Variants in ZSWIM9 observed in about 807,000 individuals in gnomAD.
ZSWIM9 encodes the protein uncharacterized protein ZSWIM9.
ZSWIM9 carries 11 observed loss-of-function variants against 25.0 expected under a neutral mutation model. The ratio of observed to expected loss-of-function variants is 0.44; its 90% confidence interval spans 0.28 to 0.73. ZSWIM9 has a LOEUF of 0.73. Among genes scored for constraint, ZSWIM9 ranks in the 30% least tolerant of loss-of-function variants. ZSWIM9 has a pLI of 0.16. For synonymous variants in ZSWIM9, 562 were observed against 582.1 expected, an observed-to-expected ratio of 0.97 and a Z score of 0.50; for missense variants, 1,070 against 1,296.5, an observed-to-expected ratio of 0.83 and a Z score of 2.68.
intron 1 of ZSWIM9, among the ~76,000 whole-genome samples, chr19:48,170,924 C>T (rs936863593): frequency 1.3e-5 from 2 of 151,634 alleles, no homozygotes; most frequent in African/African-American, 2.4e-5. Flanking sequence ...GGACGAGGGG[C>T]CATGTCTAGA....
At chr19:48,179,574 G>A (rs369829700) in intron 2 of ZSWIM9, among the ~76,000 whole-genome samples, 1 of 152,172 alleles carries the variant, frequency 6.6e-6, no homozygotes, top group East Asian at 1.9e-4. Flanking sequence ...ACAAACTCTT[G>A]CTCACACACA....
intron 3 of ZSWIM9, among the ~76,000 whole-genome samples, chr19:48,192,480 A>AATATATATATATATATATATATATAT (rs1555787871): frequency 5.8e-5 from 1 of 17,390 alleles, no homozygotes; most frequent in African/African-American, 1.7e-4. Context: ...AAAAAAAAAA[A>AATATATATATATATATATATATATAT]ATATATATAT....
Position 48,195,430 on chromosome 19 carries a change from G to A in ZSWIM9, c.1366G>A (p.Asp456Asn). 27 of 1,446,854 alleles carry A rather than the reference G, an allele frequency of 1.9e-5. No homozygotes were observed. The highest frequency in any genetic ancestry group is 2.4e-5 in the Non-Finnish European group (27 of 1,108,600). 89.6% of individuals were successfully genotyped at this position (1,446,854 alleles called of 1,614,324 possible). The change falls in exon 4 of 4, where the codon GAT becomes AAT. Residue 456 changes from aspartate (D) to asparagine (N), a missense_variant. Physicochemically the swap from Asp to Asn is conservative, Grantham distance 23. Transcript: ENST00000614654. This position sits in a 1 kb window ranked among gnomAD's most constrained non-coding sequence, Gnocchi z 5.8. Reference protein sequence around the residue: ...GPDGGGPWLEDEPGRGAQGEN... With the variant: ...GPDGGGPWLENEPGRGAQGEN... ...CGATGGCGGGGGGCCTTGGCTGGAG[G>A]ATGAGCCAGGGAGGGGAGCCCAGGG... is the stretch of plus-strand genomic sequence containing the variant.
At chr19:48,187,574 T>TTATATAATATATAATATA (rs1568579855) in intron 3 of ZSWIM9, 2 of 59,954 alleles carry the variant, frequency 3.3e-5, no homozygotes, top group Non-Finnish European at 6.5e-5. Flanking sequence ...TAATATTATA[T>TTATATAATATATAATATA]ATATTATATA....
chr19:48,181,524 C>T (rs2036948438), intron 2 of ZSWIM9: 1 of 152,158 alleles, frequency 6.6e-6, no homozygotes, highest in Non-Finnish European at 1.5e-5. Flanking sequence ...ATTTAGGTTT[C>T]AAGTATTTGG....
intron 2 of ZSWIM9, among the ~76,000 whole-genome samples, chr19:48,178,700 T>G (rs940402549): frequency 4.6e-5 from 7 of 151,986 alleles, no homozygotes; most frequent in Non-Finnish European, 8.8e-5. Context: ...CTCAGCCTCC[T>G]GAGTAGCTGG....
At position 48,176,043 on chromosome 19, in the gene ZSWIM9, TAAAAATACA is replaced by T. The variant is rs111828028; in HGVS notation, c.275+3971_275+3979del. Among the ~76,000 whole-genome samples, 18 of 152,200 alleles carry T rather than the reference TAAAAATACA, an allele frequency of 1.2e-4. 2 individuals are homozygous for T. Among genetic ancestry groups the T allele is most frequent in the African/African-American group, 4.3e-4 (18 of 41,532 alleles). On this transcript the variant is annotated intron_variant, in intron 2 of 3. Transcript: ENST00000614654. ...CAACAGGGTGAAACCCTGTCTGTAC[TAAAAATACA>T]AAAATTAGCCGGGCCTGGTGGCAGG... is the stretch of plus-strand genomic sequence containing the variant.
intron 3 of ZSWIM9, chr19:48,187,739 A>C (rs1476115347): frequency 6.9e-6 from 1 of 144,438 alleles, no homozygotes; most frequent in Non-Finnish European, 1.5e-5. Flanking sequence ...GGAGTTCAAG[A>C]CCAGCCTGGC....
At chr19:48,172,139 T>C in intron 2 of ZSWIM9, 62 bp downstream of exon 2, 1 of 443,052 alleles carries the variant, frequency 2.3e-6, no homozygotes, top group Non-Finnish European at 4.0e-6. Context: ...TGGGTGTGGG[T>C]GGGAGACGGG....
At position 48,196,469 on chromosome 19, in the gene ZSWIM9, G is replaced by A. The variant is rs1381428374; in HGVS notation, c.2405G>A (p.Gly802Asp). ...GDGLQEGGED[G>D]PREPKRLCRP... is the part of the protein sequence containing the mutation. ...GGCCTGCAGGAAGGAGGCGAAGATG[G>A]CCCCAGGGAACCAAAGAGGCTTTGC... Residue 802 changes from glycine (G) to aspartate (D), a missense_variant, in exon 4 of 4, where the codon GGC becomes GAC. By Grantham distance (94) the Gly-to-Asp change is moderately conservative. Around this residue, in one of 4 missense-constraint regions of ZSWIM9, gnomAD observed 583 missense variants for 624.7 expected, o/e 0.93. Transcript: ENST00000614654. 2 of 1,232,798 alleles carry A rather than the reference G, an allele frequency of 1.6e-6. No individual in the cohort carries two copies. The highest frequency in any genetic ancestry group is 2.0e-6 in the Non-Finnish European group (2 of 988,546). 76.4% of individuals were successfully genotyped at this position (1,232,798 alleles called of 1,614,324 possible).
Position 48,195,898 on chromosome 19 carries a change from A to T in ZSWIM9, c.1834A>T (p.Thr612Ser). 2 of 1,388,708 alleles carry T rather than the reference A, an allele frequency of 1.4e-6. No homozygotes were observed. Among genetic ancestry groups the T allele is most frequent in the Non-Finnish European group, 1.9e-6 (2 of 1,076,086 alleles). The allele number at this position is 1,388,708 out of a possible 1,614,324, so 86.0% of individuals were successfully genotyped here. The change falls in exon 4 of 4, where the codon ACC (threonine) becomes TCC (serine). Residue 612 changes from threonine (T) to serine (S), a missense_variant. Thr to Ser is a moderately conservative substitution (Grantham distance 58). Coordinates refer to ENST00000614654, the MANE Select transcript of ZSWIM9 (RefSeq NM_199341.4). The surrounding 1 kb of genome is among the most constrained non-coding windows in gnomAD (Gnocchi z 5.8). ...DRRSTTDLRG[T>S]QFDYERVRSL... ...CAGGAGTACCACCGACCTGAGGGGG[A>T]CCCAGTTTGACTATGAGAGGGTCAG...
chr19:48,184,191 T>C (rs530498299), intron 3 of ZSWIM9, among the ~76,000 whole-genome samples: 13 of 151,686 alleles, frequency 8.6e-5, no homozygotes, highest in Admixed American at 7.9e-4. Flanking sequence ...TCAGGGAAGG[T>C]CTCTTTAGCA....
rs777529821 is a variant in ZSWIM9, at chr19:48,195,474, G to A, written c.1410G>A (p.Arg470=). 4.9e-5 allele frequency: 70 copies of A among 1,419,546 alleles called. No homozygotes were observed. The highest frequency in any genetic ancestry group is 3.1e-5 in the Admixed American group (1 of 32,354). The allele number at this position is 1,419,546 out of a possible 1,614,324, so 87.9% of individuals were successfully genotyped here. A position where few individuals can be genotyped will look rare whatever the true frequency, so the allele number is the denominator to read the frequency against. The change falls in exon 4 of 4, where the codon AGG becomes AGA. Residue 470 remains arginine, a synonymous_variant. Coordinates refer to ENST00000614654, the MANE Select transcript of ZSWIM9 (RefSeq NM_199341.4). The surrounding 1 kb of genome is among the most constrained non-coding windows in gnomAD (Gnocchi z 5.8). The part of the protein sequence containing the change: ...RGAQGENERV[R]GLETGDWGGA... ...CCCAGGGGGAGAACGAGAGGGTGAGGGGCCTGGAGACAGGCGACTGGGGAG... is the reference window on the plus strand; with the variant it reads ...CCCAGGGGGAGAACGAGAGGGTGAGAGGCCTGGAGACAGGCGACTGGGGAG...
intron 3 of ZSWIM9, chr19:48,192,033 A>C (rs938764889): frequency 6.5e-6 from 1 of 154,750 alleles, no homozygotes; most frequent in Non-Finnish European, 1.5e-5. Context: ...GGATATTGTA[A>C]GGATGAAAGA....
chr19:48,192,447 C>T (rs1197960408), intron 3 of ZSWIM9, among the ~76,000 whole-genome samples: 1 of 25,726 alleles, frequency 3.9e-5, no homozygotes, highest in African/African-American at 1.8e-4. Flanking sequence ...GAGACTCTGT[C>T]TCAAAAAAAA....
intron 3 of ZSWIM9, among the ~76,000 whole-genome samples, chr19:48,184,396 G>C (rs181984335): frequency 3.9e-5 from 6 of 152,218 alleles, no homozygotes. Flanking sequence ...TTCAAGTTTG[G>C]GGTGAACTTG....
In ZSWIM9 at chr19:48,196,291, A is replaced by G. The variant is rs1393873675; in HGVS notation, c.2227A>G (p.Ser743Gly). 4 of 1,233,470 alleles carry G rather than the reference A, an allele frequency of 3.2e-6. No individual in the cohort carries two copies. The African/African-American group carries it at 4.7e-5, about 14-fold the overall frequency. The allele number at this position is 1,233,470 out of a possible 1,614,324, so 76.4% of individuals were successfully genotyped here. A position where few individuals can be genotyped will look rare whatever the true frequency, so the allele number is the denominator to read the frequency against. The part of the protein sequence containing the change: ...GGGARSVGPK[S>G]RAGRGMEWGD... ...GGGAGCCCGGTCCGTGGGCCCCAAG[A>G]GCCGAGCCGGACGAGGGATGGAGTG... is the stretch of plus-strand genomic sequence containing the variant. The change falls in exon 4 of 4, where the codon AGC (serine) becomes GGC (glycine). Residue 743 changes from serine to glycine, a missense_variant. Coordinates refer to ENST00000614654, the MANE Select transcript of ZSWIM9 (RefSeq NM_199341.4).
chr19:48,190,438 T>C (rs1003766843), intron 3 of ZSWIM9: 8 of 154,826 alleles, frequency 5.2e-5, no homozygotes, highest in African/African-American at 1.9e-4. Flanking sequence ...GGGGGAGTAC[T>C]GTTTATCTGA....
Position 48,196,001 on chromosome 19 carries a change from A to AG in ZSWIM9, c.1941dup (p.Pro648AlafsTer30). The AG allele has an allele frequency of 7.9e-7, 1 of 1,271,258 alleles. No individual in the cohort carries two copies. Among genetic ancestry groups the AG allele is most frequent in the Non-Finnish European group, 9.9e-7 (1 of 1,010,870 alleles). The allele number at this position is 1,271,258 out of a possible 1,614,324, so 78.7% of individuals were successfully genotyped here. A position where few individuals can be genotyped will look rare whatever the true frequency, so the allele number is the denominator to read the frequency against. ...GGGGGACTGAGAACTGCAGAATGGA[A>AG]GGGGCCACAGTCAGAAGTAGAGAAG... On this transcript the variant is annotated frameshift_variant, in exon 4 of 4. Coordinates refer to ENST00000614654, the MANE Select transcript of ZSWIM9 (RefSeq NM_199341.4). LOFTEE classifies it low-confidence loss of function (END_TRUNC).
Sources: allele counts gnomAD v4.1 joint callset (sites outside exome capture counted in the v4.1 genomes callset), GRCh38; gene constraint gnomAD v4.1.1; regional missense constraint gnomAD v4.1.1; non-coding constraint Gnocchi (gnomAD v3.1); transcripts MANE v1.5; gene names NCBI Gene and HGNC (gene_info 2026-07-23, HGNC 2026-07-21).